ZNF728: variants seen among roughly 807,000 people sequenced by gnomAD.
ZNF728 encodes zinc finger protein 728.
A neutral mutation model predicts 12.5 loss-of-function variants in ZNF728; 12 were observed. The observed-to-expected ratio is 0.96, with a 90% CI of 0.61 to 1.55. The LOEUF is 1.55. ZNF728 is among the 40% of genes most tolerant of loss of function. The probability of loss-of-function intolerance (pLI) is 0.00; values close to 1 mark genes in which losing one functional copy is unlikely to be tolerated. For synonymous variants in ZNF728, 205 were observed against 240.7 expected, an observed-to-expected ratio of 0.85 and a Z score of 1.37; for missense variants, 692 against 719.2, an observed-to-expected ratio of 0.96 and a Z score of 0.43.
In ZNF728 at chr19:23,002,276, T is replaced by C. The variant is rs758334318; in HGVS notation, c.3+752A>G. ...ATTGCAGTGAGCCCAGACGGCGCCA[T>C]TGCACTCCAGCCAGGGCGACAGAGT... On this transcript the variant is annotated intron_variant, in intron 1 of 3. Transcript: ENST00000594710. Among the ~76,000 whole-genome samples, 10 of 152,182 alleles carry C rather than the reference T, an allele frequency of 6.6e-5. No homozygotes were observed. In the East Asian group the frequency reaches 1.4e-3, roughly 21 times the overall value.
At chr19:22,991,084 C>T (rs1210869616) in intron 1 of ZNF728, among the ~76,000 whole-genome samples, 1 of 152,210 alleles carries the variant, frequency 6.6e-6, no homozygotes, top group Non-Finnish European at 1.5e-5. Context: ...TGTCACAACA[C>T]AAATACTTCT....
intron 3 of ZNF728, among the ~76,000 whole-genome samples, chr19:22,984,100 A>G (rs1010494868): frequency 7.2e-5 from 11 of 152,186 alleles, no homozygotes; most frequent in African/African-American, 2.7e-4. Context: ...GCACTCCTCA[A>G]CATCGGGATA....
intron 1 of ZNF728, among the ~76,000 whole-genome samples, chr19:22,994,647 T>C (rs1459901457): frequency 6.6e-6 from 1 of 152,240 alleles, no homozygotes; most frequent in African/African-American, 2.4e-5. Context: ...TTATAATCAA[T>C]GACAAAATAA....
intron 1 of ZNF728, among the ~76,000 whole-genome samples, chr19:23,000,654 A>T (rs139808293): frequency 0.022 from 3,394 of 152,018 alleles, 65 homozygotes; most frequent in Non-Finnish European, 0.037. Flanking sequence ...ACTTGAGGTC[A>T]GAATTTTCAG....
At chr19:22,993,186 G>A (rs1012441072) in intron 1 of ZNF728, among the ~76,000 whole-genome samples, 1 of 152,294 alleles carries the variant, frequency 6.6e-6, no homozygotes, top group African/African-American at 2.4e-5. Flanking sequence ...AAGAAGATGT[G>A]AAAAGGTCAA....
intron 3 of ZNF728, among the ~76,000 whole-genome samples, chr19:22,982,219 T>C (rs941224005): frequency 6.6e-6 from 1 of 152,110 alleles, no homozygotes; most frequent in African/African-American, 2.4e-5. Flanking sequence ...AGCATTCCTA[T>C]ACACCAATAA....
chr19:22,981,769 T>C (rs540347694), intron 3 of ZNF728, among the ~76,000 whole-genome samples: 4 of 152,228 alleles, frequency 2.6e-5, no homozygotes, highest in African/African-American at 9.6e-5. Context: ...CAGGAACCAA[T>C]GATAAAAACC....
At chr19:22,980,956 T>C (rs1470695562) in intron 3 of ZNF728, among the ~76,000 whole-genome samples, 1 of 151,258 alleles carries the variant, frequency 6.6e-6, no homozygotes, top group Non-Finnish European at 1.5e-5. Context: ...AAAATCACAA[T>C]TAAAAGAACT....
At chr19:22,993,806 GA>G (rs1016913433) in intron 1 of ZNF728, among the ~76,000 whole-genome samples, 4 of 151,998 alleles carry the variant, frequency 2.6e-5, no homozygotes, top group African/African-American at 9.7e-5. Context: ...ATACATAGCT[GA>G]AAAAAAGGGA....
Position 23,003,136 on chromosome 19 carries a change from T to C in ZNF728, c.-106A>G, listed in dbSNP as rs1969132898. ...TTTAGGAGCGGACGACACACAGCAGTAAGGACGACACCTTGACCTCCGCGT... is the reference window on the plus strand; with the variant it reads ...TTTAGGAGCGGACGACACACAGCAGCAAGGACGACACCTTGACCTCCGCGT... On this transcript the variant is annotated 5_prime_UTR_variant, in exon 1 of 4. Coordinates refer to ENST00000594710, the MANE Select transcript of ZNF728 (RefSeq NM_001267716.2). 3 of 1,343,928 alleles carry C rather than the reference T, an allele frequency of 2.2e-6. No individual in the cohort carries two copies. The highest frequency in any genetic ancestry group is 3.0e-6 in the Non-Finnish European group (3 of 991,888). The allele number at this position is 1,343,928 out of a possible 1,614,324, so 83.3% of individuals were successfully genotyped here.
At chr19:22,999,409 C>A (rs866940659) in intron 1 of ZNF728, among the ~76,000 whole-genome samples, 1,548 of 152,222 alleles carry the variant, frequency 0.01, 28 homozygotes, top group African/African-American at 0.036. Flanking sequence ...CCCAGCTTTC[C>A]AAGGCTCTGT....
At chr19:22,984,524 A>G (rs988589106) in intron 3 of ZNF728, among the ~76,000 whole-genome samples, 1 of 143,140 alleles carries the variant, frequency 7.0e-6, no homozygotes, top group Non-Finnish European at 1.5e-5. Context: ...GTGCCGCTAC[A>G]CTCCAGCCTG....
intron 3 of ZNF728, among the ~76,000 whole-genome samples, chr19:22,983,512 A>G (rs1968882213): frequency 6.6e-6 from 1 of 152,220 alleles, no homozygotes. Context: ...CTGGGTATAT[A>G]CGCTCAAAAT....
intron 1 of ZNF728, 123 bp downstream of exon 1, chr19:23,002,905 G>A: frequency 7.6e-7 from 1 of 1,320,400 alleles, no homozygotes; most frequent in Non-Finnish European, 1.1e-6. Context: ...GCTAGGCAAG[G>A]AGAACACGGG....
Position 22,976,384 on chromosome 19 carries a change from C to T in ZNF728, c.953G>A (p.Gly318Asp). 1.2e-6 allele frequency: 2 copies of T among 1,613,036 alleles called. No homozygotes were observed. The highest frequency in any genetic ancestry group is 1.7e-6 in the Non-Finnish European group (2 of 1,179,886). ...GEKPYKCEEC[G>D]KAFNRSSNLM... is the part of the protein sequence containing the mutation. ...GTTTGAGGACCGGTTGAAAGCTTTG[C>T]CACATTCTTCACATTTGTAGGGTTT... The change falls in exon 4 of 4, where the codon GGC becomes GAC. Residue 318 changes from glycine to aspartate, a missense_variant. Coordinates refer to ENST00000594710, the MANE Select transcript of ZNF728 (RefSeq NM_001267716.2).
intron 3 of ZNF728, among the ~76,000 whole-genome samples, chr19:22,983,250 G>GA (rs1352043649): frequency 2.6e-5 from 4 of 151,808 alleles, no homozygotes; most frequent in Non-Finnish European, 5.9e-5. Flanking sequence ...CAACAAACAT[G>GA]AAAAAAAGCT....
intron 1 of ZNF728, among the ~76,000 whole-genome samples, chr19:22,998,492 G>A (rs1291306197): frequency 6.6e-6 from 1 of 152,132 alleles, no homozygotes; most frequent in African/African-American, 2.4e-5. Context: ...CTGATTCAGG[G>A]CTCAGTCCCA....
chr19:22,997,283 T>C (rs1007667616), intron 1 of ZNF728, among the ~76,000 whole-genome samples: 4 of 151,746 alleles, frequency 2.6e-5, no homozygotes, highest in African/African-American at 9.7e-5. Flanking sequence ...AATTCAAAAA[T>C]CCCAAAATGA....
chr19:22,989,426 G>C (rs1968959046), intron 1 of ZNF728, among the ~76,000 whole-genome samples: 1 of 152,064 alleles, frequency 6.6e-6, no homozygotes, highest in African/African-American at 2.4e-5. Context: ...GGAAACCTAA[G>C]AAAGAAGGGC....
Sources: allele counts gnomAD v4.1 joint callset (sites outside exome capture counted in the v4.1 genomes callset), GRCh38; gene constraint gnomAD v4.1.1; transcripts MANE v1.5; gene names NCBI Gene and HGNC (gene_info 2026-07-23, HGNC 2026-07-21).